The following PIEZO2 variants were observed in gnomAD, a reference collection of about 807,000 sequenced individuals.
The protein encoded by PIEZO2 is piezo-type mechanosensitive ion channel component 2.
A neutral mutation model predicts 337.3 loss-of-function variants in PIEZO2; 172 were observed. The observed-to-expected ratio is 0.51, with a 90% CI of 0.45 to 0.58. The LOEUF is 0.58. Ranked by LOEUF, PIEZO2 falls within the 20% of genes least tolerant of loss-of-function variation. The pLI is 0.00. For missense variants in PIEZO2, 3,028 were observed against 3,391.3 expected, an observed-to-expected ratio of 0.89 and a Z score of 2.66; for synonymous variants, 1,251 against 1,228.5, an observed-to-expected ratio of 1.02 and a Z score of -0.38.
chr18:10,788,315 T>C (rs1447156716), intron 15 of PIEZO2, among the ~76,000 whole-genome samples: 1 of 151,568 alleles, frequency 6.6e-6, no homozygotes, highest in Admixed American at 6.6e-5. Context: ...GGCATGAGAA[T>C]TCCTTGAAAC....
chr18:11,062,650 C>A (rs550591731), intron 2 of PIEZO2, among the ~76,000 whole-genome samples: 1 of 152,262 alleles, frequency 6.6e-6, no homozygotes, highest in South Asian at 2.1e-4. Flanking sequence ...CCAAAAGACA[C>A]ACGAAAAAAT....
chr18:10,896,080 G>GA (rs1163144515), intron 4 of PIEZO2, among the ~76,000 whole-genome samples: 43 of 137,846 alleles, frequency 3.1e-4, no homozygotes, highest in South Asian at 4.6e-4. Flanking sequence ...AAACAAAAAC[G>GA]AAAAAAAAAA....
chr18:11,081,645 C>T (rs2038744822), intron 1 of PIEZO2, among the ~76,000 whole-genome samples: 1 of 152,054 alleles, frequency 6.6e-6, no homozygotes, highest in Admixed American at 6.6e-5. Context: ...GTGGGCCAGG[C>T]TTGGATGCCT....
At chr18:10,823,339 C>T (rs903203577) in intron 7 of PIEZO2, among the ~76,000 whole-genome samples, 1 of 152,128 alleles carries the variant, frequency 6.6e-6, no homozygotes, top group Non-Finnish European at 1.5e-5. Context: ...CTAACAAAAA[C>T]AACCTGCCGC....
rs111787556 is a variant in PIEZO2 at position 10,919,854 on chromosome 18, G to GACACAC, written c.287-8632_287-8627dup. ...AGATGTAGACACACTGGAAAGTAGAGACACACACACACACACAGAGTAAGT... is the reference window on the plus strand; with the variant it reads ...AGATGTAGACACACTGGAAAGTAGAGACACACACACACACACACACACAGAGTAAGT... On this transcript the variant is annotated intron_variant, in intron 3 of 55. Coordinates refer to ENST00000674853, the MANE Select transcript of PIEZO2 (RefSeq NM_001378183.1). Among the ~76,000 whole-genome samples the GACACAC allele has an allele frequency of 1.7e-3, 255 of 151,182 alleles. 1 individual carries two copies. The highest frequency in any genetic ancestry group is 3.0e-3 in the African/African-American group (123 of 41,266).
Position 10,773,363 on chromosome 18 carries a change from G to A in PIEZO2, c.2785+49C>T, listed in dbSNP as rs773710303. 5 of 1,499,334 alleles carry A rather than the reference G, an allele frequency of 3.3e-6. No homozygotes were observed. Among genetic ancestry groups the A allele is most frequent in the Middle Eastern group, 3.4e-4 (2 of 5,898 alleles). The allele number at this position is 1,499,334 out of a possible 1,614,324, so 92.9% of individuals were successfully genotyped here. On this transcript the variant is annotated intron_variant, in intron 20 of 55. Coordinates refer to ENST00000674853, the MANE Select transcript of PIEZO2 (RefSeq NM_001378183.1). This position sits in a 1 kb window ranked among gnomAD's most constrained non-coding sequence, Gnocchi z 5.3. ...AGCAAGTCAATGTTTCCTTCACTCA[G>A]TCTGACAGCCAGCGTTCTCTGACCA...
chr18:11,050,678 T>C (rs992347576), intron 2 of PIEZO2, among the ~76,000 whole-genome samples: 1 of 152,054 alleles, frequency 6.6e-6, no homozygotes, highest in African/African-American at 2.4e-5. Context: ...AAAAGTTAAC[T>C]TGATCTGCTA....
chr18:11,029,269 C>G (rs2036646516), intron 2 of PIEZO2, among the ~76,000 whole-genome samples: 2 of 152,190 alleles, frequency 1.3e-5, no homozygotes, highest in Admixed American at 1.3e-4. Flanking sequence ...CCCATTTCAA[C>G]AAATGTCACC....
At position 11,019,686 on chromosome 18, in the gene PIEZO2, T is replaced by C. The variant is rs533484325; in HGVS notation, c.161-40026A>G. 2.6e-5 allele frequency among the ~76,000 whole-genome samples: 4 copies of C among 152,238 alleles called. No homozygotes were observed. In the East Asian group the frequency reaches 7.7e-4, roughly 29 times the overall value. ...CTTGTCATCCTCAGGCTGGACAGAG[T>C]GCACTTACCCCCCTACCCCAACACA... On this transcript the variant is annotated intron_variant, in intron 2 of 55. Transcript: ENST00000674853.
At chr18:11,037,025 G>A (rs1331248948) in intron 2 of PIEZO2, among the ~76,000 whole-genome samples, 13 of 152,238 alleles carry the variant, frequency 8.5e-5, no homozygotes, top group African/African-American at 3.1e-4. Context: ...GAGTGCAATG[G>A]CACGATCTCG....
chr18:10,730,762 T>C (rs2036731823), intron 36 of PIEZO2, among the ~76,000 whole-genome samples: 1 of 152,220 alleles, frequency 6.6e-6, no homozygotes, highest in Non-Finnish European at 1.5e-5. Context: ...GGTCTCCCTC[T>C]GTCGCCCAGG....
chr18:10,819,333 A>G lies in PIEZO2; in HGVS notation c.918-12059T>C, dbSNP rs1457581199. Among the ~76,000 whole-genome samples, 2 of 152,224 alleles carry G rather than the reference A, an allele frequency of 1.3e-5. No individual in the cohort carries two copies. The highest frequency in any genetic ancestry group is 2.4e-5 in the African/African-American group (1 of 41,462). ...AACGTTAAGTAGAAGAAATTCTTAAAGTGTACATTTTCTCTTTCATTATTC... is the reference window on the plus strand; with the variant it reads ...AACGTTAAGTAGAAGAAATTCTTAAGGTGTACATTTTCTCTTTCATTATTC... On this transcript the variant is annotated intron_variant, in intron 7 of 55. Transcript: ENST00000674853. This position sits in a 1 kb window ranked among gnomAD's most constrained non-coding sequence, Gnocchi z 4.3.
rs1020285534 is a variant in PIEZO2 at position 10,704,435 on chromosome 18, G to A, written c.6217C>T (p.Pro2073Ser). 1.2e-5 allele frequency: 19 copies of A among 1,537,104 alleles called. No homozygotes were observed. Among genetic ancestry groups the A allele is most frequent in the Non-Finnish European group, 1.5e-5 (17 of 1,146,908 alleles). Residue 2073 changes from proline to serine, a missense_variant, in exon 42 of 56, where the codon CCC becomes TCC. Physicochemically the swap from Pro to Ser is moderately conservative, Grantham distance 74 (BLOSUM62 -1). Around this residue, in one of 5 missense-constraint regions of PIEZO2, gnomAD observed 1,925 missense variants for 2,051.9 expected, o/e 0.94. Transcript: ENST00000674853. Reference sequence around the variant, plus strand: ...GCCATCATCCAGAACCGGCGGCTGGGCCTGGGGACGGACAACATGGCCCAG... The same window carrying A: ...GCCATCATCCAGAACCGGCGGCTGGACCTGGGGACGGACAACATGGCCCAG... ...FLWAMLSVPR[P>S]SRRFWMMAIV...
Position 11,001,883 on chromosome 18 carries a change from A to G in PIEZO2, c.161-22223T>C, listed in dbSNP as rs1472260622. On this transcript the variant is annotated intron_variant, in intron 2 of 55. Coordinates refer to ENST00000674853, the MANE Select transcript of PIEZO2 (RefSeq NM_001378183.1). The surrounding 1 kb of genome is among the most constrained non-coding windows in gnomAD (Gnocchi z 5.3). ...ATAGAGCGAGATTCAAAAAAGAAAA[A>G]GGAGAAAAAGGGAAGGAAGGAAGAA... is the stretch of plus-strand genomic sequence containing the variant. Among the ~76,000 whole-genome samples the G allele has an allele frequency of 7.1e-6, 1 of 140,020 alleles. No homozygotes were observed. The highest frequency in any genetic ancestry group is 1.5e-5 in the Non-Finnish European group (1 of 65,804). 91.9% of individuals were successfully genotyped at this position (140,020 alleles called of 152,430 possible). A position where few individuals can be genotyped will look rare whatever the true frequency, so the allele number is the denominator to read the frequency against.
chr18:10,725,345 T>C, intron 36 of PIEZO2: 3 of 1,605,550 alleles, frequency 1.9e-6, no homozygotes, highest in Non-Finnish European at 2.6e-6. Flanking sequence ...TGCAGCTGAG[T>C]GAAGACCTGC....
chr18:11,087,762 T>C (rs1167431694), intron 1 of PIEZO2, among the ~76,000 whole-genome samples: 1 of 152,358 alleles, frequency 6.6e-6, no homozygotes, highest in African/African-American at 2.4e-5. Flanking sequence ...TTTTCAACTT[T>C]CTCCAAGGGA....
At chr18:10,808,079 T>C (rs1184645701) in intron 7 of PIEZO2, among the ~76,000 whole-genome samples, 1 of 152,114 alleles carries the variant, frequency 6.6e-6, no homozygotes, top group Non-Finnish European at 1.5e-5. Flanking sequence ...TTTCTACTGT[T>C]TGCATCTTTT....
At chr18:10,743,448 TAAG>T (rs1412923410) in intron 31 of PIEZO2, among the ~76,000 whole-genome samples, 2 of 152,284 alleles carry the variant, frequency 1.3e-5, no homozygotes, top group Admixed American at 6.5e-5. Flanking sequence ...AATTTCACTC[TAAG>T]AAGATTATTT....
chr18:10,673,586 G>C lies in PIEZO2; in HGVS notation c.8162-713C>G, dbSNP rs1021425360. Among the ~76,000 whole-genome samples, 2 of 152,102 alleles carry C rather than the reference G, an allele frequency of 1.3e-5. No homozygotes were observed. Among genetic ancestry groups the C allele is most frequent in the Non-Finnish European group, 2.9e-5 (2 of 68,022 alleles). ...GCAAATCTCTGAGAACCATAATATC[G>C]GGTCAGTGATTACTTTTATTGGAGT... On this transcript the variant is annotated intron_variant, in intron 54 of 55. Transcript: ENST00000674853. This position sits in a 1 kb window ranked among gnomAD's most constrained non-coding sequence, Gnocchi z 4.8.
Sources: allele counts gnomAD v4.1 joint callset (sites outside exome capture counted in the v4.1 genomes callset), GRCh38; gene constraint gnomAD v4.1.1; regional missense constraint gnomAD v4.1.1; non-coding constraint Gnocchi (gnomAD v3.1); transcripts MANE v1.5; gene names NCBI Gene and HGNC (gene_info 2026-07-23, HGNC 2026-07-21).